The following FGD1 variants were observed in gnomAD, a reference collection of about 807,000 sequenced individuals.
FGD1 encodes the protein FYVE, RhoGEF and PH domain-containing protein 1.
A neutral mutation model predicts 65.0 loss-of-function variants in FGD1; 12 were observed. The observed-to-expected ratio is 0.18, with a 90% CI of 0.12 to 0.30. FGD1 has a LOEUF of 0.30. Among genes scored for constraint, FGD1 ranks in the 10% least tolerant of loss-of-function variants. The pLI is 1.00. For synonymous variants in FGD1, 333 were observed against 343.9 expected (o/e 0.97, Z 0.35); for missense variants, 542 against 837.6 (o/e 0.65, Z 4.36).
intron 6 of FGD1, 125 bp downstream of exon 6, chrX:54,467,659 A>T: frequency 1.2e-6 from 1 of 803,167 alleles, no homozygotes; most frequent in Non-Finnish European, 1.8e-6. Context: ...CCCGGCTCTG[A>T]TTCCTTTTTC....
At chrX:54,476,898 C>T (rs1315019100) in intron 1 of FGD1, among the ~76,000 whole-genome samples, 1 of 111,412 alleles carries the variant, frequency 9.0e-6, no homozygotes, top group Non-Finnish European at 1.9e-5. Flanking sequence ...GTGTCGAATT[C>T]CTGGGCTCAA....
chrX:54,468,022 A>G, intron 5 of FGD1, 90 bp from the exon 6 acceptor site: 1 of 857,666 alleles, frequency 1.2e-6, no homozygotes. Context: ...AGGCTTGTGG[A>G]GCTTTGGGAT....
intron 1 of FGD1, among the ~76,000 whole-genome samples, chrX:54,481,829 T>C: frequency 9.2e-6 from 1 of 108,916 alleles, no homozygotes; most frequent in South Asian, 4.1e-4. Flanking sequence ...AAGTACGTAA[T>C]GTCATGGGTT....
chrX:54,476,796 C>CA (rs772777159), intron 1 of FGD1, among the ~76,000 whole-genome samples: 1 of 110,555 alleles, frequency 9.0e-6, no homozygotes, highest in African/African-American at 3.3e-5. Context: ...CAGAGATCAC[C>CA]AAAAAGCCCC....
rs1395762367 is a variant in FGD1 at position 54,473,810 on chromosome X, C to T, written c.308-2323G>A. Among the ~76,000 whole-genome samples the T allele has an allele frequency of 3.6e-5, 4 of 110,618 alleles. No homozygotes were observed. The Admixed American group carries it at 3.9e-4, about 11-fold the overall frequency. ...GACCAGCCTGACCAACATGGCAAAACTCTGTCTCTACAAAAATACAAAAAT... is the reference window on the plus strand; with the variant it reads ...GACCAGCCTGACCAACATGGCAAAATTCTGTCTCTACAAAAATACAAAAAT... On this transcript the variant is annotated intron_variant, in intron 1 of 17. Transcript: ENST00000375135.
At chrX:54,460,615 C>T (rs1330932714) in intron 8 of FGD1, among the ~76,000 whole-genome samples, 1 of 111,279 alleles carries the variant, frequency 9.0e-6, no homozygotes, top group African/African-American at 3.3e-5. Context: ...GTGGTGGGTG[C>T]CTGTAATCCC....
intron 1 of FGD1, among the ~76,000 whole-genome samples, chrX:54,493,667 C>T (rs968098872): frequency 7.2e-5 from 8 of 111,854 alleles, no homozygotes; most frequent in African/African-American, 2.6e-4. Flanking sequence ...CAAAAAGGCA[C>T]TGGCTTTACA....
chrX:54,490,228 G>A (rs1420253537), intron 1 of FGD1, among the ~76,000 whole-genome samples: 3 of 111,137 alleles, frequency 2.7e-5, no homozygotes, highest in Non-Finnish European at 5.7e-5. Context: ...ACTACCTATC[G>A]GGTACTATGC....
At chrX:54,468,583 A>T (rs1922814127) in intron 5 of FGD1, among the ~76,000 whole-genome samples, 1 of 110,524 alleles carries the variant, frequency 9.0e-6, no homozygotes, top group African/African-American at 3.3e-5. Context: ...GTTAGGAGTG[A>T]GGGTTGGTAT....
At chrX:54,463,927 C>G (rs1354589638) in intron 8 of FGD1, among the ~76,000 whole-genome samples, 2 of 111,604 alleles carry the variant, frequency 1.8e-5, no homozygotes, top group Admixed American at 1.9e-4. Flanking sequence ...GAATTATACT[C>G]AGCACCTATC....
At chrX:54,446,612 C>T (rs1188530426) in intron 17 of FGD1, among the ~76,000 whole-genome samples, 198 bp from the exon 18 acceptor site, 4 of 110,647 alleles carry the variant, frequency 3.6e-5, no homozygotes, top group Non-Finnish European at 7.6e-5. Flanking sequence ...GTTTAAATAC[C>T]TGTCTCCCCC....
intron 15 of FGD1, 77 bp downstream of exon 15, chrX:54,449,066 G>T (rs1922313517): frequency 8.3e-7 from 1 of 1,200,344 alleles, no homozygotes; most frequent in South Asian, 1.8e-5. Context: ...CCACTTGGAG[G>T]GTACCCACTC....
At chrX:54,453,496 T>C (rs1223272419) in intron 12 of FGD1, among the ~76,000 whole-genome samples, 1 of 112,264 alleles carries the variant, frequency 8.9e-6, no homozygotes, top group Non-Finnish European at 1.9e-5. Context: ...CCGGATGACC[T>C]GAGCTCCAAT....
intron 12 of FGD1, among the ~76,000 whole-genome samples, chrX:54,452,400 G>A (rs752302453): frequency 9.1e-6 from 1 of 109,552 alleles, no homozygotes; most frequent in East Asian, 2.9e-4. Context: ...GACATTTAAT[G>A]TCAGTAGTTG....
chrX:54,488,087 A>C (rs1248266973), intron 1 of FGD1, among the ~76,000 whole-genome samples: 1 of 105,259 alleles, frequency 9.5e-6, no homozygotes, highest in Non-Finnish European at 1.9e-5. Context: ...AACGTGGCGA[A>C]ACCCCATCTC....
intron 1 of FGD1, among the ~76,000 whole-genome samples, chrX:54,472,180 A>G (rs1478822295): frequency 1.8e-5 from 2 of 109,048 alleles, no homozygotes; most frequent in Non-Finnish European, 3.8e-5. Flanking sequence ...TGGGAGGCTG[A>G]GGTGGGAGGA....
intron 1 of FGD1, among the ~76,000 whole-genome samples, chrX:54,485,064 A>G (rs1185248811): frequency 8.8e-6 from 1 of 113,120 alleles, no homozygotes; most frequent in Admixed American, 9.3e-5. Context: ...GCCATCTGCA[A>G]TTTAGAAGCT....
At chrX:54,448,392 GT>G (rs1440476551) in intron 16 of FGD1, among the ~76,000 whole-genome samples, 1 of 110,622 alleles carries the variant, frequency 9.0e-6, no homozygotes, top group Non-Finnish European at 1.9e-5. Context: ...CTCCACATTG[GT>G]CAGGCTGGTC....
chrX:54,488,715 G>A (rs2147445623), intron 1 of FGD1, among the ~76,000 whole-genome samples: 1 of 111,460 alleles, frequency 9.0e-6, no homozygotes, highest in South Asian at 3.8e-4. Flanking sequence ...CAGACCAATG[G>A]AACAGAATAG....
Sources: allele counts gnomAD v4.1 joint callset (sites outside exome capture counted in the v4.1 genomes callset), GRCh38; gene constraint gnomAD v4.1.1; transcripts MANE v1.5; gene names NCBI Gene and HGNC (gene_info 2026-07-23, HGNC 2026-07-21).